Variants in ZFP64 observed in about 807,000 individuals in gnomAD.
ZFP64 encodes the protein zinc finger protein 64.
ZFP64 carries 14 observed loss-of-function variants against 51.6 expected under a neutral mutation model. That is an observed-to-expected ratio of 0.27 (90% CI 0.18 to 0.42). ZFP64 has a LOEUF of 0.42. ZFP64 is among the 10% of genes least tolerant of loss of function. The probability of loss-of-function intolerance (pLI) is 1.00; values close to 1 mark genes in which losing one functional copy is unlikely to be tolerated. For synonymous variants in ZFP64, 375 were observed against 361.4 expected (o/e 1.04, Z -0.43); for missense variants, 754 against 906.8 (o/e 0.83, Z 2.16).
In ZFP64 at chr20:52,160,283, C is replaced by T. The variant is rs1388327732; in HGVS notation, c.603G>A (p.Lys201=). The change falls in exon 5 of 6, where the codon AAG becomes AAA. Residue 201 remains lysine (K), a synonymous_variant. Coordinates refer to ENST00000216923, the MANE Select transcript of ZFP64 (RefSeq NM_018197.3). The surrounding 1 kb of genome is among the most constrained non-coding windows in gnomAD (Gnocchi z 4.2). ...KTHMRCHTGV[K]PYKCKTCDYA... is the part of the protein sequence containing the mutation. ...AGTCACACGTCTTACACTTGTAGGG[C>T]TTCACGCCCGTGTGGCACCGCATGT... 4 of 1,614,198 alleles carry T rather than the reference C, an allele frequency of 2.5e-6. No homozygotes were observed. The highest frequency in any genetic ancestry group is 1.3e-5 in the African/African-American group (1 of 75,042).
chr20:52,098,026 A>G (rs1052074976), intron 6 of ZFP64, among the ~76,000 whole-genome samples: 7 of 152,082 alleles, frequency 4.6e-5, no homozygotes, highest in African/African-American at 1.2e-4. Context: ...TTATGATCAC[A>G]CCACTATACT....
At chr20:52,111,516 C>T (rs1438716751) in intron 5 of ZFP64, among the ~76,000 whole-genome samples, 1 of 151,432 alleles carries the variant, frequency 6.6e-6, no homozygotes, top group African/African-American at 2.4e-5. Flanking sequence ...TGCCCAGAAT[C>T]CGATTTTTTT....
Position 52,191,326 on chromosome 20 carries a change from C to T in ZFP64, c.46+265G>A, listed in dbSNP as rs987246505. 1.8e-4 allele frequency among the ~76,000 whole-genome samples: 27 copies of T among 152,280 alleles called. No homozygotes were observed. The highest frequency in any genetic ancestry group is 1.5e-3 in the Admixed American group (23 of 15,304). ...GGTGGCGATTGTCTGAACGGCGTGC[C>T]CTCCCCCACTGTTCCCTTCCAAGGG... On this transcript the variant is annotated intron_variant, in intron 1 of 5. Transcript: ENST00000216923. The surrounding 1 kb of genome is among the most constrained non-coding windows in gnomAD (Gnocchi z 4.3).
chr20:52,105,318 C>A (rs530623159), intron 5 of ZFP64: 40 of 1,254,566 alleles, frequency 3.2e-5, no homozygotes, highest in Middle Eastern at 2.0e-4. Context: ...GAAATTACCC[C>A]CCTTCGGCCG....
chr20:52,103,169 A>T (rs1423183155), intron 5 of ZFP64, among the ~76,000 whole-genome samples: 1 of 152,204 alleles, frequency 6.6e-6, no homozygotes, highest in Non-Finnish European at 1.5e-5. Context: ...AAACCAGGTT[A>T]GCATGGCGAG....
Position 52,110,235 on chromosome 20 carries a change from G to A in ZFP64, c.764-11648C>T, listed in dbSNP as rs1300673131. The A allele has an allele frequency of 2.2e-5, 6 of 272,694 alleles. No homozygotes were observed. In the East Asian group the frequency reaches 4.4e-4, roughly 20 times the overall value. The allele number at this position is 272,694 out of a possible 1,614,324, so 16.9% of individuals were successfully genotyped here. On this transcript the variant is annotated intron_variant, in intron 5 of 8. Transcript: ENST00000361387. ...ACTCAGAGCTCAGAATTGTAAGTTA[G>A]TACCACTTTTCCCACCAACCCCTTA...
Position 52,181,541 on chromosome 20 carries a change from G to A in ZFP64, c.286+5291C>T, listed in dbSNP as rs1344460799. ...TAAACCCAAGTATTATCAGGCAGAGGAGACATAGGAGAAGAGCGAGAAACG... is the reference window on the plus strand; with the variant it reads ...TAAACCCAAGTATTATCAGGCAGAGAAGACATAGGAGAAGAGCGAGAAACG... On this transcript the variant is annotated intron_variant, in intron 2 of 5. Transcript: ENST00000216923. Among the ~76,000 whole-genome samples, 37 of 152,190 alleles carry A rather than the reference G, an allele frequency of 2.4e-4. 1 individual carries two copies. The highest frequency in any genetic ancestry group is 2.4e-3 in the Admixed American group (37 of 15,276).
At chr20:52,179,317 C>T (rs919786116) in intron 2 of ZFP64, among the ~76,000 whole-genome samples, 3 of 152,194 alleles carry the variant, frequency 2.0e-5, no homozygotes, top group African/African-American at 7.2e-5. Flanking sequence ...TCTGGTATGT[C>T]TTCATCAGGA....
chr20:52,110,489 C>A, intron 5 of ZFP64: 1 of 695,982 alleles, frequency 1.4e-6, no homozygotes. Flanking sequence ...AAGTCCTCTG[C>A]CTAGTCTAAG....
In ZFP64 at chr20:52,186,980, A is replaced by G; in HGVS notation, c.138T>C (p.Phe46=). 6.2e-7 allele frequency: 1 copy of G among 1,614,102 alleles called. No individual in the cohort carries two copies. Among genetic ancestry groups the G allele is most frequent in the East Asian group, 2.2e-5 (1 of 44,882 alleles). The change falls in exon 2 of 6, where the codon TTT becomes TTC. Residue 46 remains phenylalanine, a synonymous_variant. Coordinates refer to ENST00000216923, the MANE Select transcript of ZFP64 (RefSeq NM_018197.3). Reference sequence around the variant, plus strand: ...GGCAGCCACTTTGCTTGTGAGCTACAAAGGCATCCAGGTTGTTAAACTGCT... The same window carrying G: ...GGCAGCCACTTTGCTTGTGAGCTACGAAGGCATCCAGGTTGTTAAACTGCT... ...CKQQFNNLDA[F]VAHKQSGCQL...
intron 5 of ZFP64, among the ~76,000 whole-genome samples, chr20:52,120,277 C>A (rs1979116200): frequency 6.6e-6 from 1 of 152,116 alleles, no homozygotes; most frequent in African/African-American, 2.4e-5. Context: ...TTTGTTATAG[C>A]AGTTAGAGGG....
At chr20:52,178,314 C>T (rs1010144) in intron 2 of ZFP64, among the ~76,000 whole-genome samples, 12,454 of 152,152 alleles carry the variant, frequency 0.082, 560 homozygotes, top group Non-Finnish European at 0.1. Context: ...GTTTGAGACC[C>T]GGTTCTGCCA....
At chr20:52,150,334 T>A (rs1206275677), downstream of ZFP64, among the ~76,000 whole-genome samples, 1 of 152,166 alleles carries the variant, frequency 6.6e-6, no homozygotes, top group Admixed American at 6.5e-5. Flanking sequence ...ATATTTTCTA[T>A]CTTGAATACA....
chr20:52,135,646 C>T (rs1032000180), intron 5 of ZFP64, among the ~76,000 whole-genome samples: 3 of 152,012 alleles, frequency 2.0e-5, no homozygotes, highest in African/African-American at 7.2e-5. Flanking sequence ...GTCATCAAGC[C>T]CAGCTAATTT....
intron 5 of ZFP64, among the ~76,000 whole-genome samples, chr20:52,131,760 T>A (rs1457206424): frequency 6.6e-6 from 1 of 152,146 alleles, no homozygotes; most frequent in Non-Finnish European, 1.5e-5. Context: ...TAGGCCCTAA[T>A]ACAATAATAG....
At chr20:52,132,123 A>G (rs1979751114) in intron 5 of ZFP64, among the ~76,000 whole-genome samples, 1 of 152,230 alleles carries the variant, frequency 6.6e-6, no homozygotes, top group South Asian at 2.1e-4. Flanking sequence ...CTGAATGACC[A>G]ATGGGTCAAT....
Position 52,105,199 on chromosome 20 carries a change from G to A in ZFP64, c.764-6612C>T, listed in dbSNP as rs1197512275. On this transcript the variant is annotated intron_variant, in intron 5 of 8. Transcript: ENST00000361387. The stretch of plus-strand genomic sequence containing the variant: ...GGCGCGCAGGCCGCGGCTCCTCGGA[G>A]TTGAGGTGCTGGGGCTTGGCCTGCT... The A allele has an allele frequency of 4.9e-6, 7 of 1,438,250 alleles. No individual in the cohort carries two copies. The East Asian group carries it at 1.7e-4, about 35-fold the overall frequency. The allele number at this position is 1,438,250 out of a possible 1,614,324, so 89.1% of individuals were successfully genotyped here.
intron 5 of ZFP64, among the ~76,000 whole-genome samples, chr20:52,105,997 A>T (rs1316370041): frequency 2.0e-5 from 3 of 152,170 alleles, no homozygotes; most frequent in Non-Finnish European, 4.4e-5. Flanking sequence ...AGTGTCTCCA[A>T]CTGCAGGGAG....
chr20:52,189,884 T>A (rs915431199), intron 1 of ZFP64, among the ~76,000 whole-genome samples: 10 of 152,210 alleles, frequency 6.6e-5, no homozygotes, highest in Non-Finnish European at 1.2e-4. Flanking sequence ...CGTCATAATC[T>A]TCTCAGCAAC....
Sources: gnomAD v4.1 joint callset for allele counts (sites outside exome capture counted in the v4.1 genomes callset) on GRCh38, gnomAD v4.1.1 for gene constraint, Gnocchi (gnomAD v3.1) non-coding constraint, MANE v1.5 for transcripts, NCBI Gene and HGNC (gene_info 2026-07-23, HGNC 2026-07-21) for gene names.